SPAG16: variants seen among roughly 807,000 people sequenced by gnomAD.
The protein encoded by SPAG16 is sperm associated antigen 16, also known as sperm-associated antigen 16 protein.
SPAG16 carries 86 observed loss-of-function variants against 80.4 expected under a neutral mutation model. That is an observed-to-expected ratio of 1.07 (90% CI 0.90 to 1.28). The LOEUF (loss-of-function observed/expected upper bound fraction) is 1.28. SPAG16 is among the 50% of genes most tolerant of loss of function. SPAG16 has a pLI of 0.00. For synonymous variants in SPAG16, 294 were observed against 265.9 expected (o/e 1.11, Z -1.03); for missense variants, 870 against 765.3 (o/e 1.14, Z -1.61).
In SPAG16 at chr2:214,082,904, C is replaced by T. The variant is rs2051480657; in HGVS notation, c.1528-25292C>T. Among the ~76,000 whole-genome samples, 3 of 152,222 alleles carry T rather than the reference C, an allele frequency of 2.0e-5. 1 individual carries two copies. The highest frequency in any genetic ancestry group is 2.0e-4 in the Admixed American group (3 of 15,296). On this transcript the variant is annotated intron_variant, in intron 13 of 15. Coordinates refer to ENST00000331683, the MANE Select transcript of SPAG16 (RefSeq NM_024532.5). ...CATCACTCAGACTTGCCTTACAACT[C>T]TTGATAACTTGAAATAACTCTACCA...
chr2:213,933,445 T>A (rs745639526), intron 12 of SPAG16, among the ~76,000 whole-genome samples: 3 of 152,250 alleles, frequency 2.0e-5, no homozygotes, highest in Non-Finnish European at 4.4e-5. Flanking sequence ...AGTTGACTCC[T>A]GGCTGCTTTT....
intron 10 of SPAG16, among the ~76,000 whole-genome samples, chr2:213,596,291 G>T (rs573177368): frequency 5.7e-4 from 87 of 152,146 alleles, no homozygotes; most frequent in African/African-American, 2.0e-3. Flanking sequence ...TAATATCCTT[G>T]TCTTTCTCAT....
At chr2:213,935,491 A>G (rs1326629487) in intron 12 of SPAG16, among the ~76,000 whole-genome samples, 1 of 152,068 alleles carries the variant, frequency 6.6e-6, no homozygotes, top group African/African-American at 2.4e-5. Context: ...TTTATTGTCT[A>G]TCGCAATGCT....
chr2:213,993,863 A>G (rs1263673915), intron 12 of SPAG16, among the ~76,000 whole-genome samples: 3 of 152,220 alleles, frequency 2.0e-5, no homozygotes, highest in Non-Finnish European at 2.9e-5. Flanking sequence ...TTATCACCCC[A>G]TAAAACAAAC....
intron 11 of SPAG16, among the ~76,000 whole-genome samples, chr2:213,896,856 T>G (rs2077014132): frequency 6.6e-6 from 1 of 151,944 alleles, no homozygotes; most frequent in Admixed American, 6.6e-5. Context: ...ATATGGAAGC[T>G]AAAAAAGTGA....
intron 10 of SPAG16, among the ~76,000 whole-genome samples, chr2:213,820,952 A>G (rs972617570): frequency 1.3e-5 from 2 of 152,146 alleles, no homozygotes; most frequent in African/African-American, 4.8e-5. Context: ...AATGCTCCAA[A>G]AATATAAACA....
intron 11 of SPAG16, among the ~76,000 whole-genome samples, chr2:213,898,575 C>A (rs1452117706): frequency 2.0e-5 from 3 of 152,138 alleles, no homozygotes; most frequent in Non-Finnish European, 4.4e-5. Flanking sequence ...GAAAGACCAA[C>A]AAAGTTTTAA....
At chr2:213,326,552 TC>T (rs1169486243) in intron 5 of SPAG16, among the ~76,000 whole-genome samples, 6 of 151,966 alleles carry the variant, frequency 3.9e-5, no homozygotes, top group African/African-American at 9.7e-5. Flanking sequence ...CTGGTTGAAT[TC>T]CATTTTGGCC....
At chr2:213,799,673 AAC>A (rs1234233174) in intron 10 of SPAG16, among the ~76,000 whole-genome samples, 1 of 152,132 alleles carries the variant, frequency 6.6e-6, no homozygotes, top group African/African-American at 2.4e-5. Context: ...GTTTTTCTAT[AAC>A]AGTTTTATAG....
chr2:214,057,493 C>T (rs1441323021), intron 13 of SPAG16, among the ~76,000 whole-genome samples: 1 of 152,130 alleles, frequency 6.6e-6, no homozygotes, highest in African/African-American at 2.4e-5. Context: ...GATGTGCCAT[C>T]ATCTAGGCTT....
chr2:213,891,678 A>C (rs1559557522), intron 11 of SPAG16, among the ~76,000 whole-genome samples: 1 of 152,138 alleles, frequency 6.6e-6, no homozygotes, highest in Non-Finnish European at 1.5e-5. Flanking sequence ...CAATGCCAAG[A>C]TTATCACCAG....
intron 15 of SPAG16, among the ~76,000 whole-genome samples, chr2:214,154,715 G>A (rs80306743): frequency 6.6e-6 from 1 of 152,032 alleles, no homozygotes; most frequent in African/African-American, 2.4e-5. Flanking sequence ...CTCTCCACTA[G>A]TTACTAGCAA....
intron 10 of SPAG16, among the ~76,000 whole-genome samples, chr2:213,676,122 C>T (rs2125239962): frequency 6.6e-6 from 1 of 151,642 alleles, no homozygotes; most frequent in Admixed American, 6.6e-5. Flanking sequence ...AGTTGGATTC[C>T]TAGGTATTTT....
chr2:213,293,090 C>G (rs535315872), intron 1 of SPAG16, among the ~76,000 whole-genome samples: 1 of 152,280 alleles, frequency 6.6e-6, no homozygotes, highest in South Asian at 2.1e-4. Context: ...TTCCCCCATG[C>G]TGCTCTTGTG....
chr2:213,596,600 C>G (rs1482993421), intron 10 of SPAG16, among the ~76,000 whole-genome samples: 5 of 152,052 alleles, frequency 3.3e-5, no homozygotes, highest in Non-Finnish European at 4.4e-5. Context: ...CTTTTAGATA[C>G]TTTATTTTGC....
At chr2:213,550,053 A>G (rs561504983) in intron 10 of SPAG16, among the ~76,000 whole-genome samples, 66 of 152,152 alleles carry the variant, frequency 4.3e-4, no homozygotes, top group African/African-American at 1.5e-3. Context: ...TTTTACATTT[A>G]TTCACATCTA....
intron 15 of SPAG16, among the ~76,000 whole-genome samples, chr2:214,338,972 C>T (rs568649472): frequency 6.6e-6 from 1 of 152,292 alleles, no homozygotes; most frequent in African/African-American, 2.4e-5. Flanking sequence ...GTACTGTCTT[C>T]ATTTTTGATA....
In SPAG16 at chr2:214,373,969, T is replaced by C. The variant is rs76686521; in HGVS notation, c.1721-36171T>C. ...ATGGAGGCAAGTAACACAGACATGG[T>C]TTTTATCCCTGAGCTTGTCAGTCTA... is the stretch of plus-strand genomic sequence containing the variant. On this transcript the variant is annotated intron_variant, in intron 15 of 15. Transcript: ENST00000331683. 2.5e-3 allele frequency among the ~76,000 whole-genome samples: 376 copies of C among 152,242 alleles called. 6 individuals carry two copies. In the East Asian group the frequency reaches 0.03, roughly 12 times the overall value.
chr2:214,289,918 G>A (rs915400002), intron 15 of SPAG16, among the ~76,000 whole-genome samples: 2 of 152,074 alleles, frequency 1.3e-5, no homozygotes, highest in Non-Finnish European at 2.9e-5. Context: ...TGGTACCTGG[G>A]TAATGCTAGC....
Sources: allele counts gnomAD v4.1 joint callset (sites outside exome capture counted in the v4.1 genomes callset), GRCh38; gene constraint gnomAD v4.1.1; transcripts MANE v1.5; gene names NCBI Gene and HGNC (gene_info 2026-07-23, HGNC 2026-07-21).